Variants in DNAH11 observed in about 807,000 individuals in gnomAD.
The protein encoded by DNAH11 is dynein axonemal heavy chain 11, also known as axonemal beta dynein heavy chain 11.
DNAH11 carries 442 observed loss-of-function variants against 526.0 expected under a neutral mutation model. The observed-to-expected ratio is 0.84, with a 90% CI of 0.78 to 0.91. The LOEUF is 0.91. DNAH11 is among the 40% of genes least tolerant of loss of function. DNAH11 has a pLI of 0.00. For synonymous variants in DNAH11, 2,461 were observed against 1,935.9 expected (o/e 1.27, Z -7.12); for missense variants, 6,989 against 5,448.7 (o/e 1.28, Z -8.90).
intron 60 of DNAH11, among the ~76,000 whole-genome samples, chr7:21,787,978 A>G (rs1007599723): frequency 2.0e-5 from 3 of 152,232 alleles, no homozygotes; most frequent in Non-Finnish European, 4.4e-5. Context: ...TATTGTTGAC[A>G]TAGTGAGATG....
At chr7:21,728,717 C>G (rs796263820) in intron 45 of DNAH11, among the ~76,000 whole-genome samples, 1 of 152,198 alleles carries the variant, frequency 6.6e-6, no homozygotes, top group Non-Finnish European at 1.5e-5. Context: ...TGTGAACTTA[C>G]AAAACCAGAG....
At position 21,617,773 on chromosome 7, in the gene DNAH11, T is replaced by C. The variant is rs536675513; in HGVS notation, c.4250T>C (p.Ile1417Thr). ...CATTGGCACCAGCTGATGAAAGCTA[T>C]TGGGGTCAGTATCCTTGGTCTCACT... ...DRHWHQLMKA[I>T]GVKFLINEAT... is the part of the protein sequence containing the mutation. Residue 1417 changes from isoleucine (I) to threonine (T), a missense_variant, in exon 23 of 82, where the codon ATT becomes ACT. Physicochemically the swap from Ile to Thr is moderately conservative, Grantham distance 89. Coordinates refer to ENST00000409508, the MANE Select transcript of DNAH11 (RefSeq NM_001277115.2). 1.5e-5 allele frequency: 24 copies of C among 1,596,902 alleles called. No homozygotes were observed. Among genetic ancestry groups the C allele is most frequent in the South Asian group, 3.4e-5 (3 of 88,464 alleles).
intron 25 of DNAH11, among the ~76,000 whole-genome samples, chr7:21,635,146 G>C (rs562876390): frequency 2.1e-3 from 193 of 92,524 alleles, no homozygotes; most frequent in African/African-American, 0.013. Flanking sequence ...GGGGCAGTTT[G>C]TTTGTTTGTT....
At chr7:21,671,090 G>A (rs1034036864) in intron 30 of DNAH11, among the ~76,000 whole-genome samples, 13 of 152,146 alleles carry the variant, frequency 8.5e-5, no homozygotes, top group African/African-American at 3.1e-4. Flanking sequence ...GACATCACTG[G>A]TGATGCATCT....
chr7:21,681,839 C>G, intron 31 of DNAH11, 162 bp downstream of exon 31: 1 of 912,476 alleles, frequency 1.1e-6, no homozygotes. Flanking sequence ...TTTTGGTTAG[C>G]CAATATATTA....
At chr7:21,891,518 AT>A (rs1487763622) in intron 76 of DNAH11, among the ~76,000 whole-genome samples, 1 of 152,220 alleles carries the variant, frequency 6.6e-6, no homozygotes, top group African/African-American at 2.4e-5. Flanking sequence ...CTCTGTGTTT[AT>A]GGCTGGTCAG....
chr7:21,800,642 A>G (rs1788944698), intron 61 of DNAH11, among the ~76,000 whole-genome samples: 1 of 152,174 alleles, frequency 6.6e-6, no homozygotes, highest in Non-Finnish European at 1.5e-5. Context: ...AAAAAATGAA[A>G]AAGAAAAATC....
intron 68 of DNAH11, among the ~76,000 whole-genome samples, chr7:21,860,005 C>G (rs987644331): frequency 6.6e-6 from 1 of 152,068 alleles, no homozygotes; most frequent in Non-Finnish European, 1.5e-5. Context: ...AACCCTGTCT[C>G]TACAAAAAAA....
At chr7:21,857,396 G>C (rs577136170) in intron 68 of DNAH11, among the ~76,000 whole-genome samples, 1 of 152,136 alleles carries the variant, frequency 6.6e-6, no homozygotes, top group Non-Finnish European at 1.5e-5. Context: ...GCTCCAAACT[G>C]ATTTATAGAT....
At chr7:21,841,491 C>T (rs749542795) in intron 65 of DNAH11, among the ~76,000 whole-genome samples, 3 of 152,152 alleles carry the variant, frequency 2.0e-5, no homozygotes, top group Admixed American at 6.5e-5. Context: ...AGTTTGCACA[C>T]GTTCCCCATG....
At chr7:21,734,843 G>A (rs1267112203) in intron 45 of DNAH11, among the ~76,000 whole-genome samples, 1 of 151,638 alleles carries the variant, frequency 6.6e-6, no homozygotes, top group African/African-American at 2.4e-5. Context: ...GGGTATAGGA[G>A]TGAGACCCTG....
rs543944909 is a variant in DNAH11 at position 21,599,869 on chromosome 7, A to T, written c.2750A>T (p.Glu917Val). 1.3e-4 allele frequency: 211 copies of T among 1,610,788 alleles called. 2 individuals carry two copies. The South Asian group carries it at 1.5e-3, about 11-fold the overall frequency. Residue 917 changes from glutamate (E) to valine (V), a missense_variant, in exon 15 of 82, where the codon GAA becomes GTA. Coordinates refer to ENST00000409508, the MANE Select transcript of DNAH11 (RefSeq NM_001277115.2). The stretch of plus-strand genomic sequence containing the variant: ...GAATTCATTGACGACATTGTGGTGG[A>T]AGGCTTTTTTCAGGCTATAATGCAC... ...YVEFIDDIVV[E>V]GFFQAIMHDL...
At chr7:21,643,018 A>G (rs7796497) in intron 28 of DNAH11, among the ~76,000 whole-genome samples, 51,247 of 152,014 alleles carry the variant, frequency 0.34, 11,119 homozygotes, top group African/African-American at 0.6. Flanking sequence ...CTAAAGGATG[A>G]TGGATACAGG....
chr7:21,668,892 C>T (rs902791504), intron 30 of DNAH11, among the ~76,000 whole-genome samples: 1 of 152,098 alleles, frequency 6.6e-6, no homozygotes, highest in African/African-American at 2.4e-5. Context: ...GTACGTTTAA[C>T]CATTTAAGAA....
intron 20 of DNAH11, among the ~76,000 whole-genome samples, chr7:21,611,975 GA>G (rs1785538954): frequency 6.6e-6 from 1 of 151,946 alleles, no homozygotes; most frequent in Non-Finnish European, 1.5e-5. Flanking sequence ...TAACTCTATG[GA>G]CAAACCTCTG....
intron 18 of DNAH11, 150 bp from the exon 19 acceptor site, chr7:21,606,276 T>G (rs1785276383): frequency 1.2e-5 from 8 of 648,798 alleles, no homozygotes; most frequent in Non-Finnish European, 2.1e-5. Context: ...TGAGCTGAGA[T>G]CATGCCAGTG....
At chr7:21,793,774 A>T (rs75822576) in intron 61 of DNAH11, among the ~76,000 whole-genome samples, 7,864 of 152,198 alleles carry the variant, frequency 0.052, 331 homozygotes, top group East Asian at 0.25. Context: ...TAGGGTGTTG[A>T]AGTCCCCTGC....
intron 44 of DNAH11, 25 bp downstream of exon 44, chr7:21,720,881 ACC>A: frequency 6.2e-7 from 1 of 1,605,572 alleles, no homozygotes; most frequent in African/African-American, 1.3e-5. Flanking sequence ...AGTTTACAGG[ACC>A]AGTTTCCAGT....
chr7:21,724,263 C>T (rs1166917986), intron 44 of DNAH11, among the ~76,000 whole-genome samples: 2 of 152,150 alleles, frequency 1.3e-5, no homozygotes, highest in Admixed American at 1.3e-4. Flanking sequence ...TATCTTCTAC[C>T]ACCAATCTGA....
Sources: gnomAD v4.1 joint callset for allele counts (sites outside exome capture counted in the v4.1 genomes callset) on GRCh38, gnomAD v4.1.1 for gene constraint, MANE v1.5 for transcripts, NCBI Gene and HGNC (gene_info 2026-07-23, HGNC 2026-07-21) for gene names.